The following SP140 variants were observed in gnomAD, a reference collection of about 807,000 sequenced individuals.
SP140 encodes the protein nuclear body protein SP140.
In SP140, 81 loss-of-function variants were observed where a neutral mutation model predicts 125.0. That is an observed-to-expected ratio of 0.65 (90% CI 0.54 to 0.78). The LOEUF is 0.78. Ranked by LOEUF, SP140 falls within the 30% of genes least tolerant of loss-of-function variation. The pLI is 0.00. For missense variants in SP140, 858 were observed against 1,037.0 expected (o/e 0.83, Z 2.37); for synonymous variants, 312 against 354.0 (o/e 0.88, Z 1.33).
intron 1 of SP140, among the ~76,000 whole-genome samples, chr2:230,230,112 C>T (rs887072801): frequency 2.6e-5 from 4 of 152,194 alleles, no homozygotes; most frequent in South Asian, 4.2e-4. Flanking sequence ...AATCGCAGGG[C>T]CAGCCAAGCG....
downstream of SP140, among the ~76,000 whole-genome samples, chr2:230,314,161 G>T (rs730010): frequency 0.59 from 89,399 of 152,012 alleles, 26,971 homozygotes; most frequent in South Asian, 0.68. Context: ...TCTAGATAGA[G>T]GTACCTGAGA....
chr2:230,260,099 C>T (rs1223179884), intron 12 of SP140, among the ~76,000 whole-genome samples: 1 of 152,096 alleles, frequency 6.6e-6, no homozygotes, highest in Non-Finnish European at 1.5e-5. Context: ...TCCATGCCAG[C>T]ATCTACTGTT....
At chr2:230,246,482 G>C (rs544213927) in intron 7 of SP140, among the ~76,000 whole-genome samples, 1 of 152,204 alleles carries the variant, frequency 6.6e-6, no homozygotes, top group East Asian at 1.9e-4. Context: ...TTTTCTCGAG[G>C]TTATGCCAAC....
At chr2:230,256,981 C>G (rs2051322659) in intron 12 of SP140, among the ~76,000 whole-genome samples, 1 of 152,008 alleles carries the variant, frequency 6.6e-6, no homozygotes. Context: ...TTTAAGGAGC[C>G]AGAAACACAG....
chr2:230,234,644 ACTTATTTTTCC>A (rs2149085181), intron 1 of SP140, among the ~76,000 whole-genome samples: 1 of 152,254 alleles, frequency 6.6e-6, no homozygotes, highest in South Asian at 2.1e-4. Context: ...TTTCAAATTC[ACTTATTTTTCC>A]CTTTAGGGCT....
At chr2:230,216,739 G>T (rs2045226050) in intron 3 of SP140, 1 of 1,610,622 alleles carries the variant, frequency 6.2e-7, no homozygotes, top group Non-Finnish European at 8.5e-7. Context: ...CAGGCATATT[G>T]GTGGGGGCTG....
At chr2:230,225,043 TA>T (rs2046160931), upstream of SP140, among the ~76,000 whole-genome samples, 1 of 152,220 alleles carries the variant, frequency 6.6e-6, no homozygotes, top group African/African-American at 2.4e-5. Context: ...TATCCTCCTG[TA>T]TCATATTGTC....
chr2:230,222,505 G>T (rs114454336), upstream of SP140, among the ~76,000 whole-genome samples: 2,083 of 152,180 alleles, frequency 0.014, 44 homozygotes, highest in African/African-American at 0.047. Flanking sequence ...GATCGCTTGA[G>T]CCCAGGTGTT....
intron 24 of SP140, 121 bp from the exon 25 acceptor site, chr2:230,311,033 C>G: frequency 6.5e-7 from 1 of 1,532,872 alleles, no homozygotes; most frequent in East Asian, 2.3e-5. Flanking sequence ...ATGTCTGTTT[C>G]CAAGAGCCAC....
rs2056634892 is a variant in SP140, at chr2:230,288,168, T to TCCCAGGGG, written c.1720+213_1720+220dup. ...AGTTGGTGATGGATCTACAACCAGATCCCAGGGGCCCAGGGGCCACTAAAG... is the reference window on the plus strand; with the variant it reads ...AGTTGGTGATGGATCTACAACCAGATCCCAGGGGCCCAGGGGCCCAGGGGCCACTAAAG... On this transcript the variant is annotated intron_variant, in intron 18 of 26. Transcript: ENST00000392045. 4 of 499,034 alleles carry TCCCAGGGG rather than the reference T, an allele frequency of 8.0e-6. No homozygotes were observed. In the South Asian group the frequency reaches 1.4e-4, roughly 17 times the overall value. The allele number at this position is 499,034 out of a possible 1,614,324, so 30.9% of individuals were successfully genotyped here. A position where few individuals can be genotyped will look rare whatever the true frequency, so the allele number is the denominator to read the frequency against.
chr2:230,243,326 C>A (rs2048972949), intron 4 of SP140, among the ~76,000 whole-genome samples: 1 of 151,892 alleles, frequency 6.6e-6, no homozygotes, highest in African/African-American at 2.4e-5. Flanking sequence ...AATTGGGAGA[C>A]CAAGGATGGG....
At chr2:230,213,302 A>G (rs2044704928) in intron 1 of SP140, among the ~76,000 whole-genome samples, 1 of 152,196 alleles carries the variant, frequency 6.6e-6, no homozygotes, top group Non-Finnish European at 1.5e-5. Context: ...TTGGGTTTGT[A>G]CCCAGGGGTT....
chr2:230,215,052 G>C, intron 3 of SP140: 1 of 1,613,380 alleles, frequency 6.2e-7, no homozygotes, highest in East Asian at 2.2e-5. Context: ...GTCCTCTCCA[G>C]TTGGGTGAGA....
At chr2:230,253,038 A>T (rs572183017) in intron 10 of SP140, among the ~76,000 whole-genome samples, 1 of 152,262 alleles carries the variant, frequency 6.6e-6, no homozygotes, top group East Asian at 1.9e-4. Context: ...GAAAAGAGAT[A>T]CAATATCACT....
chr2:230,238,067 T>C (rs1052782118), intron 2 of SP140, 146 bp from the exon 3 acceptor site: 2 of 574,136 alleles, frequency 3.5e-6, no homozygotes, highest in Non-Finnish European at 6.1e-6. Context: ...GAGTGTATTT[T>C]TATGGTGGAG....
chr2:230,194,917 C>T, the SP140 span, among the ~76,000 whole-genome samples: 3 of 152,200 alleles, frequency 2.0e-5, no homozygotes, highest in East Asian at 5.8e-4. Context: ...GATGGGGTGG[C>T]CTAGGGGACA....
At chr2:230,217,487 TAA>T (rs758065716) in intron 3 of SP140, among the ~76,000 whole-genome samples, 7 of 152,050 alleles carry the variant, frequency 4.6e-5, no homozygotes, top group Non-Finnish European at 8.8e-5. Flanking sequence ...CAGGTAAACA[TAA>T]GGAAGGTATT....
At chr2:230,270,766 C>T in intron 15 of SP140, 127 bp downstream of exon 15, 1 of 909,202 alleles carries the variant, frequency 1.1e-6, no homozygotes, top group South Asian at 1.4e-5. Context: ...GAAGGATGAC[C>T]TCCCTAAGAT....
intron 20 of SP140, among the ~76,000 whole-genome samples, chr2:230,293,590 C>T (rs1424029989): frequency 6.6e-6 from 1 of 152,078 alleles, no homozygotes; most frequent in Non-Finnish European, 1.5e-5. Context: ...GCCTCCTCGG[C>T]CTCCCAAAAT....
Sources: allele counts gnomAD v4.1 joint callset (sites outside exome capture counted in the v4.1 genomes callset), GRCh38; gene constraint gnomAD v4.1.1; transcripts MANE v1.5; gene names NCBI Gene and HGNC (gene_info 2026-07-23, HGNC 2026-07-21).